Variants in POC1A observed in about 807,000 individuals in gnomAD.
POC1A encodes POC1 centriolar protein A.
In POC1A, 34 loss-of-function variants were observed where a neutral mutation model predicts 47.8. The ratio of observed to expected loss-of-function variants is 0.71; its 90% confidence interval spans 0.54 to 0.95. The LOEUF is 0.95. Ranked by LOEUF, POC1A falls within the 40% of genes least tolerant of loss-of-function variation. The pLI is 0.00. For missense variants in POC1A, 466 were observed against 528.3 expected, an observed-to-expected ratio of 0.88 and a Z score of 1.16; for synonymous variants, 177 against 207.6, an observed-to-expected ratio of 0.85 and a Z score of 1.27.
intron 6 of POC1A, among the ~76,000 whole-genome samples, chr3:52,145,234 C>G (rs1235464886): frequency 1.3e-5 from 2 of 152,188 alleles, no homozygotes; most frequent in Non-Finnish European, 2.9e-5. Context: ...TAAGTCTGCC[C>G]TCGCCCTCCA....
intron 10 of POC1A, among the ~76,000 whole-genome samples, chr3:52,096,213 C>T (rs776685294): frequency 6.6e-6 from 1 of 152,278 alleles, no homozygotes; most frequent in Non-Finnish European, 1.5e-5. Flanking sequence ...CCCTGACTCA[C>T]TACTCAGTTC....
In POC1A at chr3:52,079,730, T is replaced by C. The variant is rs1577789846; in HGVS notation, c.1126-3745A>G. Among the ~76,000 whole-genome samples, 1 of 152,024 alleles carries C rather than the reference T, an allele frequency of 6.6e-6. No homozygotes were observed. Among genetic ancestry groups the C allele is most frequent in the Non-Finnish European group, 1.5e-5 (1 of 67,992 alleles). On this transcript the variant is annotated intron_variant, in intron 10 of 10. Coordinates refer to ENST00000296484, the MANE Select transcript of POC1A (RefSeq NM_015426.5). This position sits in a 1 kb window ranked among gnomAD's most constrained non-coding sequence, Gnocchi z 4.6. ...GGGTAAAGGGAAACTGACGAAGGGGTTGAGGAGTCCAGGGCTCTGGCTGCT... is the reference window on the plus strand; with the variant it reads ...GGGTAAAGGGAAACTGACGAAGGGGCTGAGGAGTCCAGGGCTCTGGCTGCT...
intron 10 of POC1A, among the ~76,000 whole-genome samples, chr3:52,076,986 T>G (rs545998345): frequency 9.4e-4 from 144 of 152,392 alleles, no homozygotes; most frequent in African/African-American, 3.2e-3. Flanking sequence ...GGCAGCACTG[T>G]CTGGGAGCCT....
chr3:52,123,466 T>C (rs1316988196), intron 8 of POC1A, among the ~76,000 whole-genome samples: 1 of 152,204 alleles, frequency 6.6e-6, no homozygotes, highest in East Asian at 1.9e-4. Flanking sequence ...ACACTCCATA[T>C]GCCCTGGACA....
At chr3:52,122,289 C>A in intron 9 of POC1A, 90 bp downstream of exon 9, 1 of 741,326 alleles carries the variant, frequency 1.3e-6, no homozygotes, top group Non-Finnish European at 2.4e-6. Flanking sequence ...CCTAAACCTC[C>A]TCCCTCACCG....
chr3:52,117,803 G>C (rs1212795950), intron 9 of POC1A, among the ~76,000 whole-genome samples: 1 of 152,126 alleles, frequency 6.6e-6, no homozygotes, highest in Non-Finnish European at 1.5e-5. Flanking sequence ...CAGACATTTG[G>C]AAGGAGGGCA....
chr3:52,110,889 G>A (rs1703356427), intron 9 of POC1A, among the ~76,000 whole-genome samples: 1 of 152,202 alleles, frequency 6.6e-6, no homozygotes, highest in South Asian at 2.1e-4. Flanking sequence ...GGCTGCCAGG[G>A]GAAAAGGAAA....
At chr3:52,114,155 C>T (rs1401524301) in intron 9 of POC1A, among the ~76,000 whole-genome samples, 1 of 152,226 alleles carries the variant, frequency 6.6e-6, no homozygotes, top group Non-Finnish European at 1.5e-5. Flanking sequence ...GAAGTGGTTC[C>T]CAGAGCCAGA....
At chr3:52,136,590 C>A (rs1242406143) in intron 7 of POC1A, among the ~76,000 whole-genome samples, 3 of 152,202 alleles carry the variant, frequency 2.0e-5, no homozygotes, top group Non-Finnish European at 2.9e-5. Flanking sequence ...TTCTCCTTTC[C>A]TCTGGGCATT....
chr3:52,147,795 T>C (rs1698417722), intron 4 of POC1A, among the ~76,000 whole-genome samples: 2 of 152,158 alleles, frequency 1.3e-5, no homozygotes, highest in African/African-American at 4.8e-5. Flanking sequence ...TTTTTCTTCC[T>C]GAATCTGTGA....
intron 8 of POC1A, among the ~76,000 whole-genome samples, chr3:52,124,881 A>C (rs1017594985): frequency 6.6e-6 from 1 of 152,212 alleles, no homozygotes; most frequent in African/African-American, 2.4e-5. Context: ...AGCAGTGAGG[A>C]TTCTGAGATG....
intron 10 of POC1A, among the ~76,000 whole-genome samples, chr3:52,088,059 C>T (rs1268112728): frequency 6.6e-6 from 1 of 152,246 alleles, no homozygotes; most frequent in Non-Finnish European, 1.5e-5. Context: ...TTCCAACAAT[C>T]CATATAAAGT....
At chr3:52,138,135 C>A in intron 7 of POC1A, 34 bp downstream of exon 7, 6 of 1,612,664 alleles carry the variant, frequency 3.7e-6, no homozygotes, top group Non-Finnish European at 5.1e-6. Context: ...TACCACCACT[C>A]CACACCACTC....
At chr3:52,125,859 GCA>G (rs1191346082) in intron 7 of POC1A, among the ~76,000 whole-genome samples, 1 of 152,208 alleles carries the variant, frequency 6.6e-6, no homozygotes, top group East Asian at 1.9e-4. Context: ...GGAATGCCAG[GCA>G]CACGCCAGGC....
intron 10 of POC1A, among the ~76,000 whole-genome samples, chr3:52,081,500 G>C (rs1702280481): frequency 6.6e-6 from 1 of 151,834 alleles, no homozygotes; most frequent in African/African-American, 2.4e-5. Flanking sequence ...TGCACTGCTG[G>C]GACGGAGGGG....
chr3:52,124,979 G>A, intron 8 of POC1A, 134 bp downstream of exon 8: 1 of 675,336 alleles, frequency 1.5e-6, no homozygotes, highest in Non-Finnish European at 2.6e-6. Flanking sequence ...CGCCATCAGG[G>A]CCTTTTTAGT....
intron 9 of POC1A, among the ~76,000 whole-genome samples, chr3:52,106,754 T>C (rs1703198992): frequency 6.6e-6 from 1 of 152,216 alleles, no homozygotes; most frequent in African/African-American, 2.4e-5. Context: ...AGATGCTGTA[T>C]GCACAAACCA....
chr3:52,136,466 T>C (rs1261703216), intron 7 of POC1A, among the ~76,000 whole-genome samples: 1 of 152,188 alleles, frequency 6.6e-6, no homozygotes, highest in Admixed American at 6.5e-5. Context: ...GAAGTAGAGC[T>C]ATAACATCCA....
chr3:52,090,635 C>T lies in POC1A; in HGVS notation c.1125+5934G>A, dbSNP rs1252602876. On this transcript the variant is annotated intron_variant, in intron 10 of 10. Transcript: ENST00000296484. The surrounding 1 kb of genome is among the most constrained non-coding windows in gnomAD (Gnocchi z 4.2). ...ATGTAGCAGTGGCTATTTGTGGAAA[C>T]AGCCTCTCTCCCTGCTCACTGGAGA... 1.3e-5 allele frequency among the ~76,000 whole-genome samples: 2 copies of T among 152,180 alleles called. No individual in the cohort carries two copies. Among genetic ancestry groups the T allele is most frequent in the East Asian group, 1.9e-4 (1 of 5,194 alleles).
Sources: allele counts gnomAD v4.1 joint callset (sites outside exome capture counted in the v4.1 genomes callset), GRCh38; gene constraint gnomAD v4.1.1; non-coding constraint Gnocchi (gnomAD v3.1); transcripts MANE v1.5; gene names NCBI Gene and HGNC (gene_info 2026-07-23, HGNC 2026-07-21).